Variants in ADCY10 observed in about 807,000 individuals in gnomAD.
ADCY10 encodes the protein adenylate cyclase type 10.
A neutral mutation model predicts 183.3 loss-of-function variants in ADCY10; 156 were observed. The ratio of observed to expected loss-of-function variants is 0.85; its 90% CI spans 0.75 to 0.97. The LOEUF (loss-of-function observed/expected upper bound fraction) is 0.97. Ranked by LOEUF, ADCY10 falls within the 50% of genes least tolerant of loss-of-function variation. The pLI is 0.00. For missense variants in ADCY10, 1,745 were observed against 1,934.3 expected, an observed-to-expected ratio of 0.90 and a Z score of 1.84; for synonymous variants, 645 against 670.0, an observed-to-expected ratio of 0.96 and a Z score of 0.58.
At chr1:167,864,585 AAG>A (rs1476047517) in intron 14 of ADCY10, among the ~76,000 whole-genome samples, 3 of 152,024 alleles carry the variant, frequency 2.0e-5, no homozygotes, top group East Asian at 1.9e-4. Flanking sequence ...AGGAAAGTCA[AAG>A]AGAGAGAGAG....
chr1:167,809,934 G>C (rs565543958), intron 32 of ADCY10, 95 bp from the exon 33 acceptor site: 1 of 1,326,382 alleles, frequency 7.5e-7, no homozygotes, highest in South Asian at 1.2e-5. Context: ...AACATCTTTG[G>C]TAAAAACCAT....
At chr1:167,830,715 A>C (rs113186743) in intron 25 of ADCY10, among the ~76,000 whole-genome samples, 1 of 152,096 alleles carries the variant, frequency 6.6e-6, no homozygotes, top group Non-Finnish European at 1.5e-5. Context: ...ATTTTTAACT[A>C]TTGCATTTTG....
At chr1:167,891,206 C>T (rs1320884176) in intron 8 of ADCY10, among the ~76,000 whole-genome samples, 2 of 151,936 alleles carry the variant, frequency 1.3e-5, no homozygotes, top group Non-Finnish European at 2.9e-5. Flanking sequence ...GTGATCCACC[C>T]ACCTCGGCCT....
In ADCY10 at chr1:167,818,077, G is replaced by A. The variant is rs1662637893; in HGVS notation, c.4477C>T (p.Leu1493Phe). The A allele has an allele frequency of 1.2e-6, 2 of 1,613,086 alleles. No individual in the cohort carries two copies. The highest frequency in any genetic ancestry group is 2.2e-5 in the East Asian group (1 of 44,898). ...AACTGGAGAATAGGCCTCACCTTGA[G>A]TAGCTCCTCCCCACTGGCTTGGGCA... is the stretch of plus-strand genomic sequence containing the variant. ...ENAQASGEEL[L>F]KNLENLVAQN... is the part of the protein sequence containing the mutation. Residue 1493 changes from leucine (L) to phenylalanine (F), a missense_variant, in exon 31 of 33, where the codon CTC becomes TTC. By Grantham distance (22) the Leu-to-Phe change is conservative (BLOSUM62 0). Transcript: ENST00000367851.
At chr1:167,897,132 C>T (rs1250213274) in intron 6 of ADCY10, among the ~76,000 whole-genome samples, 2 of 150,342 alleles carry the variant, frequency 1.3e-5, no homozygotes, top group East Asian at 1.9e-4. Flanking sequence ...CATGTGATGA[C>T]ACACTGAGGA....
At position 167,883,417 on chromosome 1, in the gene ADCY10, A is replaced by G. The variant is rs79093040; in HGVS notation, c.1020+20T>C. 6.2e-7 allele frequency: 1 copy of G among 1,612,708 alleles called. No individual in the cohort carries two copies. Among genetic ancestry groups the G allele is most frequent in the Non-Finnish European group, 8.5e-7 (1 of 1,178,680 alleles). Reference sequence around the variant, plus strand: ...AACCTAAAACTATTGGTAGGTTCCCATCCCATAGTTCACACTTACCTTGTC... The same window carrying G: ...AACCTAAAACTATTGGTAGGTTCCCGTCCCATAGTTCACACTTACCTTGTC... On this transcript the variant is annotated intron_variant, in intron 9 of 32. Transcript: ENST00000367851.
rs895436386 is a variant in ADCY10 at position 167,914,055 on chromosome 1, G to C, written c.-138C>G. On this transcript the variant is annotated 5_prime_UTR_variant, in exon 1 of 33. Transcript: ENST00000367851. ...TTTAAGACTGCAGAAGACAGGAGAG[G>C]AGGCCGGGTGACATTATTCTGAAGA... is the stretch of plus-strand genomic sequence containing the variant. 6.6e-6 allele frequency: 1 copy of C among 152,298 alleles called. No individual in the cohort carries two copies. Among genetic ancestry groups the C allele is most frequent in the African/African-American group, 2.4e-5 (1 of 41,454 alleles). The allele number at this position is 152,298 out of a possible 1,614,324, so 9.4% of individuals were successfully genotyped here.
At chr1:167,908,448 A>G (rs1669952836) in intron 1 of ADCY10, among the ~76,000 whole-genome samples, 1 of 152,164 alleles carries the variant, frequency 6.6e-6, no homozygotes, top group Non-Finnish European at 1.5e-5. Flanking sequence ...CAAAGTTTCA[A>G]TTAGACCCAA....
chr1:167,883,981 ATAG>A (rs1243120531), intron 8 of ADCY10, among the ~76,000 whole-genome samples: 2 of 152,164 alleles, frequency 1.3e-5, no homozygotes, highest in Non-Finnish European at 2.9e-5. Flanking sequence ...TTGTAGGTCT[ATAG>A]TAGATGTATA....
chr1:167,879,989 G>C (rs1052567034), intron 11 of ADCY10, 126 bp downstream of exon 11: 10 of 806,374 alleles, frequency 1.2e-5, no homozygotes, highest in Non-Finnish European at 1.9e-5. Context: ...GCTCCATCTG[G>C]AAGACTCTAA....
chr1:167,854,607 T>C, intron 17 of ADCY10, 118 bp from the exon 18 acceptor site: 1 of 1,356,466 alleles, frequency 7.4e-7, no homozygotes, highest in Non-Finnish European at 1.0e-6. Flanking sequence ...TTTGTTTCTG[T>C]TTGTTTTCAG....
At chr1:167,910,299 A>G (rs1345374213) in intron 1 of ADCY10, among the ~76,000 whole-genome samples, 1 of 152,228 alleles carries the variant, frequency 6.6e-6, no homozygotes, top group African/African-American at 2.4e-5. Flanking sequence ...AAAGTGTTCA[A>G]ATCTAATCCA....
rs996414328 is a variant in ADCY10 at position 167,880,124 on chromosome 1, C to T, written c.1207G>A (p.Glu403Lys). 5.1e-5 allele frequency: 82 copies of T among 1,612,262 alleles called. No individual in the cohort carries two copies. Among genetic ancestry groups the T allele is most frequent in the Non-Finnish European group, 6.3e-5 (74 of 1,179,396 alleles). The part of the protein sequence containing the change: ...CGIVGHTVRH[E>K]YTVIGQKVNL... ...AGCTGACCCAGCACACCTGTGTACT[C>T]GTGTCTCACAGTGTGTCCAACGATC... is the stretch of plus-strand genomic sequence containing the variant. Residue 403 changes from glutamate (E) to lysine (K), a missense_variant, in exon 11 of 33, where the codon GAG becomes AAG. Transcript: ENST00000367851.
chr1:167,881,393 C>T (rs1347941058), intron 9 of ADCY10, among the ~76,000 whole-genome samples: 3 of 152,154 alleles, frequency 2.0e-5, no homozygotes, highest in Admixed American at 1.3e-4. Flanking sequence ...GCAAAGAACA[C>T]TAAAATACCT....
intron 11 of ADCY10, 22 bp downstream of exon 11, chr1:167,880,093 G>C: frequency 4.4e-6 from 7 of 1,603,984 alleles, no homozygotes; most frequent in Non-Finnish European, 6.0e-6. Context: ...AAGAAAGCTG[G>C]AGATGAGCTG....
chr1:167,866,423 A>T (rs1666689732), intron 14 of ADCY10, among the ~76,000 whole-genome samples: 1 of 150,682 alleles, frequency 6.6e-6, no homozygotes, highest in South Asian at 2.1e-4. Context: ...GATAAATTAT[A>T]TCTATTACAA....
intron 30 of ADCY10, chr1:167,820,286 C>G (rs977765431): frequency 1.2e-5 from 16 of 1,362,934 alleles, no homozygotes; most frequent in Non-Finnish European, 1.5e-5. Context: ...GCCGCAGCGC[C>G]GGCCGCCTAG....
intron 11 of ADCY10, 44 bp downstream of exon 11, chr1:167,880,071 T>G: frequency 6.5e-7 from 1 of 1,541,362 alleles, no homozygotes; most frequent in South Asian, 1.2e-5. Context: ...GGCAAGGTGC[T>G]GTGTTTGCAG....
Position 167,833,950 on chromosome 1 carries a change from A to G in ADCY10, c.3417+20T>C. 6.3e-7 allele frequency: 1 copy of G among 1,583,518 alleles called. No homozygotes were observed. The highest frequency in any genetic ancestry group is 8.7e-7 in the Non-Finnish European group (1 of 1,152,730). On this transcript the variant is annotated intron_variant, in intron 24 of 32. Coordinates refer to ENST00000367851, the MANE Select transcript of ADCY10 (RefSeq NM_018417.6). ...CTAAGATATATAACAGATAAATTCA[A>G]GTCTTTAATGGTTTCTTACCTCACC...
Sources: gnomAD v4.1 joint callset for allele counts (sites outside exome capture counted in the v4.1 genomes callset) on GRCh38, gnomAD v4.1.1 for gene constraint, MANE v1.5 for transcripts, NCBI Gene and HGNC (gene_info 2026-07-23, HGNC 2026-07-21) for gene names.